The following PRKAR1B variants were observed in gnomAD, a reference collection of about 807,000 sequenced individuals.
PRKAR1B encodes protein kinase cAMP-dependent type I regulatory subunit beta, also known as cAMP-dependent protein kinase type I-beta regulatory subunit.
In PRKAR1B, 22 loss-of-function variants were observed where a neutral mutation model predicts 46.5. The observed-to-expected ratio is 0.47, with a 90% confidence interval of 0.34 to 0.68. The LOEUF (loss-of-function observed/expected upper bound fraction) is 0.68, where lower values mean the gene tolerates loss of function less well. PRKAR1B is among the 30% of genes least tolerant of loss of function. PRKAR1B has a pLI of 0.01. For synonymous variants in PRKAR1B, 259 were observed against 217.7 expected (o/e 1.19, Z -1.67); for missense variants, 445 against 535.6 (o/e 0.83, Z 1.67).
chr7:717,053 G>T (rs1383376785), intron 1 of PRKAR1B, among the ~76,000 whole-genome samples: 1 of 152,206 alleles, frequency 6.6e-6, no homozygotes, highest in Non-Finnish European at 1.5e-5. Flanking sequence ...CACTTTGGGA[G>T]GCCAAGGCAG....
intron 4 of PRKAR1B, among the ~76,000 whole-genome samples, chr7:618,245 C>G (rs1400911911): frequency 1.3e-5 from 2 of 152,218 alleles, no homozygotes; most frequent in Non-Finnish European, 2.9e-5. Flanking sequence ...CCGACAGGCC[C>G]ACAGACCATG....
chr7:600,161 C>G (rs539381459), intron 6 of PRKAR1B, among the ~76,000 whole-genome samples: 110 of 151,632 alleles, frequency 7.3e-4, no homozygotes, highest in African/African-American at 2.6e-3. Flanking sequence ...CTTAATGCCA[C>G]CGAACTGCAC....
chr7:675,841 G>A (rs1786549485), intron 4 of PRKAR1B, among the ~76,000 whole-genome samples: 1 of 152,144 alleles, frequency 6.6e-6, no homozygotes. Flanking sequence ...AGATACTCAG[G>A]AGGCTGAGGC....
At position 637,341 on chromosome 7, in the gene PRKAR1B, A is replaced by T. The variant is rs556002541; in HGVS notation, c.441-29889T>A. ...CTGAGGCGGGAGAATCGCTTGAACCAGGGAGGTGGAGATTGCAATGAGCCG... is the reference window on the plus strand; with the variant it reads ...CTGAGGCGGGAGAATCGCTTGAACCTGGGAGGTGGAGATTGCAATGAGCCG... On this transcript the variant is annotated intron_variant, in intron 4 of 10. Coordinates refer to ENST00000537384, the MANE Select transcript of PRKAR1B (RefSeq NM_001164760.2). Among the ~76,000 whole-genome samples the T allele has an allele frequency of 1.5e-4, 23 of 151,798 alleles. 2 individuals are homozygous for T. The South Asian group carries it at 2.7e-3, about 18-fold the overall frequency.
intron 4 of PRKAR1B, among the ~76,000 whole-genome samples, chr7:643,659 T>C (rs1583347236): frequency 6.9e-6 from 1 of 145,718 alleles, no homozygotes. Flanking sequence ...GAGGTGGAGG[T>C]TGCAGTGAGC....
intron 7 of PRKAR1B, 118 bp downstream of exon 7, chr7:596,028 G>C: frequency 7.7e-7 from 1 of 1,304,172 alleles, no homozygotes; most frequent in Non-Finnish European, 1.0e-6. Flanking sequence ...AGATCTGTCA[G>C]GGAGGTTGGA....
intron 3 of PRKAR1B, among the ~76,000 whole-genome samples, chr7:678,994 AG>A (rs1481210269): frequency 6.6e-6 from 1 of 152,246 alleles, no homozygotes; most frequent in Non-Finnish European, 1.5e-5. Flanking sequence ...AGGCTGAGAC[AG>A]GAGAATCACA....
intron 9 of PRKAR1B, among the ~76,000 whole-genome samples, chr7:562,531 C>T (rs911998635): frequency 7.2e-5 from 11 of 152,202 alleles, no homozygotes; most frequent in African/African-American, 2.2e-4. Context: ...GAGCCTGGAA[C>T]GCGTCCCTTC....
At chr7:655,528 T>TGC (rs1187845991) in intron 4 of PRKAR1B, among the ~76,000 whole-genome samples, 1 of 152,234 alleles carries the variant, frequency 6.6e-6, no homozygotes, top group African/African-American at 2.4e-5. Context: ...ATCCCCTGCA[T>TGC]CATCTTGTGT....
At chr7:668,869 A>AG (rs1209332369) in intron 4 of PRKAR1B, among the ~76,000 whole-genome samples, 1 of 152,110 alleles carries the variant, frequency 6.6e-6, no homozygotes, top group Non-Finnish European at 1.5e-5. Flanking sequence ...TGCCACCAAG[A>AG]GGGCACAGAA....
intron 9 of PRKAR1B, among the ~76,000 whole-genome samples, chr7:569,285 TC>T (rs1213099789): frequency 6.6e-6 from 1 of 152,138 alleles, no homozygotes; most frequent in Non-Finnish European, 1.5e-5. Context: ...TGGCCCTCTA[TC>T]CACGCAGAGA....
At chr7:695,207 T>G (rs960779724) in intron 2 of PRKAR1B, among the ~76,000 whole-genome samples, 1 of 152,130 alleles carries the variant, frequency 6.6e-6, no homozygotes, top group Non-Finnish European at 1.5e-5. Context: ...GGGATGGTTT[T>G]GGGGCTGAAG....
At position 668,197 on chromosome 7, in the gene PRKAR1B, C is replaced by T. The variant is rs559192868; in HGVS notation, c.440+9032G>A. Among the ~76,000 whole-genome samples the T allele has an allele frequency of 1.1e-4, 16 of 152,362 alleles. No homozygotes were observed. The South Asian group carries it at 3.3e-3, about 32-fold the overall frequency. ...AGCGGGGAAGCAGAGAGAAGAAGAG[C>T]AGGCAGCCTCAAAGTCAGGGGTGTG... On this transcript the variant is annotated intron_variant, in intron 4 of 10. Coordinates refer to ENST00000537384, the MANE Select transcript of PRKAR1B (RefSeq NM_001164760.2).
intron 4 of PRKAR1B, among the ~76,000 whole-genome samples, chr7:651,270 T>C (rs1784889358): frequency 6.6e-6 from 1 of 152,198 alleles, no homozygotes. Flanking sequence ...AGGCTGTGCA[T>C]GTAGCATGCC....
At chr7:693,629 A>G (rs1405700808) in intron 2 of PRKAR1B, among the ~76,000 whole-genome samples, 3 of 152,168 alleles carry the variant, frequency 2.0e-5, no homozygotes, top group Non-Finnish European at 2.9e-5. Context: ...TGGAGAGGCC[A>G]CACTGTTTGT....
intron 4 of PRKAR1B, among the ~76,000 whole-genome samples, chr7:642,444 G>A (rs1490421240): frequency 1.3e-5 from 2 of 152,084 alleles, no homozygotes; most frequent in African/African-American, 2.4e-5. Flanking sequence ...AAACAAACTC[G>A]GCCGGGCGCG....
At chr7:559,092 C>G in intron 9 of PRKAR1B, among the ~76,000 whole-genome samples, 1 of 152,340 alleles carries the variant, frequency 6.6e-6, no homozygotes, top group Middle Eastern at 3.4e-3. Context: ...TTCAGTCACT[C>G]GTCTACTGCA....
At chr7:563,426 A>G (rs1282807805) in intron 9 of PRKAR1B, among the ~76,000 whole-genome samples, 1 of 152,206 alleles carries the variant, frequency 6.6e-6, no homozygotes, top group Non-Finnish European at 1.5e-5. Context: ...TGCACTGTCC[A>G]CTCAGCAGGC....
chr7:683,199 G>C (rs1778796995), intron 2 of PRKAR1B, among the ~76,000 whole-genome samples: 8 of 152,202 alleles, frequency 5.3e-5, no homozygotes, highest in Admixed American at 5.2e-4. Context: ...CTCTCCAGGG[G>C]TACAGGAGCT....
Sources: gnomAD v4.1 joint callset for allele counts (sites outside exome capture counted in the v4.1 genomes callset) on GRCh38, gnomAD v4.1.1 for gene constraint, MANE v1.5 for transcripts, NCBI Gene and HGNC (gene_info 2026-07-23, HGNC 2026-07-21) for gene names.